Variants in SLC9C2 observed in about 807,000 individuals in gnomAD.
SLC9C2 encodes solute carrier family 9 member C2 (putative), also known as sodium/hydrogen exchanger 11.
SLC9C2 carries 75 observed loss-of-function variants against 140.2 expected under a neutral mutation model. The ratio of observed to expected loss-of-function variants is 0.53; its 90% CI spans 0.44 to 0.65. SLC9C2 has a LOEUF of 0.65. Among genes scored for constraint, SLC9C2 ranks in the 30% least tolerant of loss-of-function variants. The pLI is 0.00. For synonymous variants in SLC9C2, 375 were observed against 420.9 expected, an observed-to-expected ratio of 0.89 and a Z score of 1.34; for missense variants, 1,074 against 1,331.8, an observed-to-expected ratio of 0.81 and a Z score of 3.01.
Position 173,576,891 on chromosome 1 carries a change from G to A in SLC9C2, c.803-131C>T, listed in dbSNP as rs1665215668. On this transcript the variant is annotated intron_variant, in intron 7 of 27. Coordinates refer to ENST00000367714, the MANE Select transcript of SLC9C2 (RefSeq NM_178527.4). ...GTAGTTCTTAGAAGGTTGCTTCAAG[G>A]GATTGACCTAATCCAGTAAACCTGG... 4.8e-6 allele frequency: 3 copies of A among 630,422 alleles called. No homozygotes were observed. In the Admixed American group the frequency reaches 1.0e-4, roughly 21 times the overall value. The allele number at this position is 630,422 out of a possible 1,614,324, so 39.1% of individuals were successfully genotyped here.
chr1:173,515,008 G>C (rs747904362), intron 23 of SLC9C2, among the ~76,000 whole-genome samples: 7 of 152,092 alleles, frequency 4.6e-5, no homozygotes, highest in Non-Finnish European at 8.8e-5. Context: ...GAAGGGTTTC[G>C]GCGGAGAGGT....
chr1:173,587,970 T>C (rs1262018048), intron 4 of SLC9C2, 140 bp from the exon 5 acceptor site: 1 of 557,524 alleles, frequency 1.8e-6, no homozygotes, highest in African/African-American at 1.9e-5. Flanking sequence ...GGTATTCTAG[T>C]TTAACCACCT....
At chr1:173,519,890 T>C (rs1250828464) in intron 22 of SLC9C2, among the ~76,000 whole-genome samples, 6 of 152,066 alleles carry the variant, frequency 3.9e-5, no homozygotes, top group Non-Finnish European at 7.4e-5. Flanking sequence ...GGCTCACACC[T>C]GTAATCCCAG....
intron 11 of SLC9C2, among the ~76,000 whole-genome samples, chr1:173,550,007 T>C (rs774507576): frequency 3.3e-5 from 5 of 152,150 alleles, no homozygotes; most frequent in Non-Finnish European, 5.9e-5. Context: ...AGGGATTTGG[T>C]AGGAAGGAAA....
chr1:173,516,544 T>C (rs1660433952), intron 23 of SLC9C2, among the ~76,000 whole-genome samples: 1 of 152,194 alleles, frequency 6.6e-6, no homozygotes, highest in African/African-American at 2.4e-5. Context: ...AGCTCCCACT[T>C]ATATGTGAGA....
At chr1:173,538,046 C>T (rs986680490) in intron 13 of SLC9C2, among the ~76,000 whole-genome samples, 6 of 152,224 alleles carry the variant, frequency 3.9e-5, no homozygotes, top group African/African-American at 1.4e-4. Context: ...AGAGAATTCA[C>T]ACCACTTATA....
At chr1:173,531,868 C>T (rs1266472253) in intron 17 of SLC9C2, among the ~76,000 whole-genome samples, 1 of 152,140 alleles carries the variant, frequency 6.6e-6, no homozygotes, top group Non-Finnish European at 1.5e-5. Flanking sequence ...TGTATAAATA[C>T]TGATTACCTA....
chr1:173,532,220 T>G (rs960392316), intron 17 of SLC9C2, among the ~76,000 whole-genome samples: 62 of 152,338 alleles, frequency 4.1e-4, no homozygotes, highest in African/African-American at 1.4e-3. Context: ...GAGTCTAATA[T>G]GTGCATTTCA....
intron 7 of SLC9C2, 77 bp downstream of exon 7, chr1:173,581,770 A>C (rs902030251): frequency 1.6e-6 from 2 of 1,258,870 alleles, no homozygotes; most frequent in Non-Finnish European, 2.1e-6. Context: ...AAGCAACTGG[A>C]TTCAAGATCA....
In SLC9C2 at chr1:173,524,004, G is replaced by A. The variant is rs1253383887; in HGVS notation, c.2605C>T (p.Leu869=). The A allele has an allele frequency of 1.2e-6, 2 of 1,613,516 alleles. No individual in the cohort carries two copies. Among genetic ancestry groups the A allele is most frequent in the Non-Finnish European group, 1.7e-6 (2 of 1,179,744 alleles). The change falls in exon 21 of 28, where the codon CTG becomes TTG. Residue 869 remains leucine, a synonymous_variant. Transcript: ENST00000367714. ...TCAATGAGAACATCTTTACCTTCCA[G>A]CCAAATGATGTTGTGAAGGTATATG... ...PDIYLHNIIW[L]EGKDVLIDFF...
chr1:173,585,418 GTTTCT>G (rs1665793532), intron 5 of SLC9C2, among the ~76,000 whole-genome samples: 1 of 152,156 alleles, frequency 6.6e-6, no homozygotes, highest in Admixed American at 6.5e-5. Context: ...TTATTTAATA[GTTTCT>G]TTTATTTAAG....
intron 9 of SLC9C2, among the ~76,000 whole-genome samples, chr1:173,561,998 A>G (rs991565973): frequency 1.2e-4 from 18 of 152,184 alleles, no homozygotes; most frequent in Non-Finnish European, 2.4e-4. Context: ...GCTCACAGCT[A>G]TGTAGTAAAG....
Position 173,501,019 on chromosome 1 carries a change from T to C in SLC9C2, c.*75A>G. On this transcript the variant is annotated 3_prime_UTR_variant, in exon 28 of 28. Coordinates refer to ENST00000367714, the MANE Select transcript of SLC9C2 (RefSeq NM_178527.4). ...TCCTTTAGTATTTGAGCGAGGAAAG[T>C]AGTTTGGTCTTTAACCTGACTCCAC... is the stretch of plus-strand genomic sequence containing the variant. 7.1e-7 allele frequency: 1 copy of C among 1,403,036 alleles called. No homozygotes were observed. Among genetic ancestry groups the C allele is most frequent in the South Asian group, 1.8e-5 (1 of 56,618 alleles). 86.9% of individuals were successfully genotyped at this position (1,403,036 alleles called of 1,614,324 possible). A position where few individuals can be genotyped will look rare whatever the true frequency, so the allele number is the denominator to read the frequency against.
At chr1:173,544,250 T>A (rs975567260) in intron 13 of SLC9C2, among the ~76,000 whole-genome samples, 19 of 152,178 alleles carry the variant, frequency 1.2e-4, no homozygotes, top group African/African-American at 4.6e-4. Context: ...AACAGACACA[T>A]GAAAAAATGC....
In SLC9C2 at chr1:173,574,752, C is replaced by T. The variant is rs144875645; in HGVS notation, c.903-1427G>A. Among the ~76,000 whole-genome samples the T allele has an allele frequency of 9.3e-3, 1,416 of 152,066 alleles. 23 individuals are homozygous for T. Among genetic ancestry groups the T allele is most frequent in the African/African-American group, 0.033 (1,356 of 41,474 alleles). ...GTCTTGATCTCCTGACCTCGTGATT[C>T]GCCCGTCTTGGCCTCCCAAAGTGCT... On this transcript the variant is annotated intron_variant, in intron 8 of 27. Transcript: ENST00000367714.
chr1:173,601,864 C>A lies in SLC9C2; in HGVS notation c.-79-9G>T. On this transcript the variant is annotated splice_polypyrimidine_tract_variant and intron_variant, in intron 1 of 27. Coordinates refer to ENST00000367714, the MANE Select transcript of SLC9C2 (RefSeq NM_178527.4). ...CACTTCTGCATGCTAACCTGTATAG[C>A]ATGCAAAAAGAACATGAGACCTACC... is the stretch of plus-strand genomic sequence containing the variant. 1 of 1,508,854 alleles carries A rather than the reference C, an allele frequency of 6.6e-7. No homozygotes were observed. Among genetic ancestry groups the A allele is most frequent in the South Asian group, 1.3e-5 (1 of 78,554 alleles). The allele number at this position is 1,508,854 out of a possible 1,614,324, so 93.5% of individuals were successfully genotyped here.
rs575708777 is a variant in SLC9C2, at chr1:173,541,900, G to T, written c.1558-4861C>A. Among the ~76,000 whole-genome samples, 7 of 152,254 alleles carry T rather than the reference G, an allele frequency of 4.6e-5. No individual in the cohort carries two copies. The East Asian group carries it at 1.4e-3, about 29-fold the overall frequency. On this transcript the variant is annotated intron_variant, in intron 13 of 27. Coordinates refer to ENST00000367714, the MANE Select transcript of SLC9C2 (RefSeq NM_178527.4). ...TTTATAGCACTAAATGCCCACAAGA[G>T]AAAGCAGGAAAGATCTAAAATCAAT...
chr1:173,509,548 A>G lies in SLC9C2; in HGVS notation c.3039+20T>C. 2.7e-6 allele frequency: 4 copies of G among 1,490,978 alleles called. No homozygotes were observed. The highest frequency in any genetic ancestry group is 2.6e-5 in the East Asian group (1 of 38,296). 92.4% of individuals were successfully genotyped at this position (1,490,978 alleles called of 1,614,324 possible). ...ATGCATAAAAATTCAATTTATTAAT[A>G]TTTTAATCACATAACTTACCTCATC... On this transcript the variant is annotated intron_variant, in intron 24 of 27. Transcript: ENST00000367714.
chr1:173,546,351 G>GGT (rs1170540778), intron 13 of SLC9C2, among the ~76,000 whole-genome samples: 7 of 152,180 alleles, frequency 4.6e-5, no homozygotes, highest in African/African-American at 1.7e-4. Flanking sequence ...TGGCCAACGT[G>GGT]CCAAAACCTC....
Sources: allele counts gnomAD v4.1 joint callset (sites outside exome capture counted in the v4.1 genomes callset), GRCh38; gene constraint gnomAD v4.1.1; transcripts MANE v1.5; gene names NCBI Gene and HGNC (gene_info 2026-07-23, HGNC 2026-07-21).